The following EDIL3 variants were observed in gnomAD, a reference collection of about 807,000 sequenced individuals.
EDIL3 encodes EGF-like repeat and discoidin I-like domain-containing protein 3.
In EDIL3, 37 loss-of-function variants were observed where a neutral mutation model predicts 67.4. The observed-to-expected ratio is 0.55, with a 90% CI of 0.42 to 0.72. EDIL3 has a LOEUF of 0.72. Ranked by LOEUF, EDIL3 falls within the 30% of genes least tolerant of loss-of-function variation. The pLI, the probability that EDIL3 is intolerant of heterozygous loss-of-function variation, is 0.00. For missense variants in EDIL3, 527 were observed against 586.3 expected (o/e 0.90, Z 1.04); for synonymous variants, 195 against 196.3 (o/e 0.99, Z 0.05).
chr5:83,951,792 A>C (rs1370994592), intron 10 of EDIL3, among the ~76,000 whole-genome samples: 1 of 151,772 alleles, frequency 6.6e-6, no homozygotes, highest in Non-Finnish European at 1.5e-5. Context: ...CATTTTTGAT[A>C]GTATTTTTTT....
intron 4 of EDIL3, among the ~76,000 whole-genome samples, chr5:84,154,901 T>G (rs190466854): frequency 1.1e-3 from 169 of 152,072 alleles, no homozygotes; most frequent in African/African-American, 3.7e-3. Context: ...AGTTTCACCA[T>G]GTTGACCAGG....
intron 1 of EDIL3, among the ~76,000 whole-genome samples, chr5:84,357,060 GA>G (rs1554044009): frequency 6.6e-6 from 1 of 151,030 alleles, no homozygotes; most frequent in Non-Finnish European, 1.5e-5. Context: ...GAGTAGCTGG[GA>G]TTACAGGCAC....
At chr5:84,298,187 T>C (rs1746088805) in intron 1 of EDIL3, among the ~76,000 whole-genome samples, 1 of 152,158 alleles carries the variant, frequency 6.6e-6, no homozygotes, top group Non-Finnish European at 1.5e-5. Context: ...ACGCGTGTAT[T>C]CCTTGCAGCA....
rs1013253950 is a variant in EDIL3, at chr5:84,305,654, C to T, written c.68-51442G>A. Reference sequence around the variant, plus strand: ...CGGCATTTTGGGAGGCCAAGACGCGCGGCTCACAAGATCAGGAGACGGAAA... The same window carrying T: ...CGGCATTTTGGGAGGCCAAGACGCGTGGCTCACAAGATCAGGAGACGGAAA... On this transcript the variant is annotated intron_variant, in intron 1 of 10. Coordinates refer to ENST00000296591, the MANE Select transcript of EDIL3 (RefSeq NM_005711.5). Among the ~76,000 whole-genome samples the T allele has an allele frequency of 7.2e-5, 11 of 152,230 alleles. 1 individual carries two copies. The highest frequency in any genetic ancestry group is 3.4e-3 in the Middle Eastern group (1 of 294).
At chr5:84,292,439 C>T (rs1277078784) in intron 1 of EDIL3, among the ~76,000 whole-genome samples, 3 of 152,052 alleles carry the variant, frequency 2.0e-5, no homozygotes, top group Non-Finnish European at 2.9e-5. Context: ...TTTATAAATG[C>T]ACTTTTGTTT....
chr5:84,381,805 TA>T (rs1748080866), intron 1 of EDIL3, among the ~76,000 whole-genome samples: 1 of 152,222 alleles, frequency 6.6e-6, no homozygotes, highest in Non-Finnish European at 1.5e-5. Context: ...ATTTAATAGT[TA>T]ATAAAATATT....
At chr5:84,141,948 CA>C (rs1748204179) in intron 4 of EDIL3, among the ~76,000 whole-genome samples, 8 of 30,284 alleles carry the variant, frequency 2.6e-4, no homozygotes, top group African/African-American at 9.3e-4. Flanking sequence ...TATATATATA[CA>C]TAGATCTATC....
chr5:84,324,174 C>G (rs1453563023), intron 1 of EDIL3, among the ~76,000 whole-genome samples: 2 of 151,780 alleles, frequency 1.3e-5, no homozygotes, highest in Non-Finnish European at 3.0e-5. Flanking sequence ...AGACAAAAAT[C>G]AAGCCTCAAT....
At chr5:84,136,634 G>A (rs867547130) in intron 5 of EDIL3, among the ~76,000 whole-genome samples, 3 of 151,972 alleles carry the variant, frequency 2.0e-5, no homozygotes, top group African/African-American at 2.4e-5. Context: ...CGTGTGGGAC[G>A]GCCCAAATGC....
At chr5:84,321,388 C>T (rs1165899041) in intron 1 of EDIL3, among the ~76,000 whole-genome samples, 1 of 152,072 alleles carries the variant, frequency 6.6e-6, no homozygotes, top group Non-Finnish European at 1.5e-5. Flanking sequence ...ACGTTAGATG[C>T]AGAGCAGCAT....
chr5:84,310,870 C>A (rs964265043), intron 1 of EDIL3, among the ~76,000 whole-genome samples: 2 of 152,146 alleles, frequency 1.3e-5, no homozygotes, highest in Non-Finnish European at 2.9e-5. Context: ...CTCTCCTGTG[C>A]GCTTACCCAG....
In EDIL3 at chr5:84,160,962, G is replaced by C. The variant is rs145376627; in HGVS notation, c.355+19431C>G. ...TGCACCCATCACTGCATGGTGTACAGTACCCATTATGTAGTCTTTTGTCCC... is the reference window on the plus strand; with the variant it reads ...TGCACCCATCACTGCATGGTGTACACTACCCATTATGTAGTCTTTTGTCCC... On this transcript the variant is annotated intron_variant, in intron 4 of 10. Transcript: ENST00000296591. Among the ~76,000 whole-genome samples the C allele has an allele frequency of 2.3e-3, 354 of 151,876 alleles. 2 individuals are homozygous for C. The highest frequency in any genetic ancestry group is 8.1e-3 in the African/African-American group (335 of 41,446).
chr5:84,003,781 T>A (rs1354384315), intron 9 of EDIL3, among the ~76,000 whole-genome samples: 1 of 152,012 alleles, frequency 6.6e-6, no homozygotes, highest in Non-Finnish European at 1.5e-5. Context: ...TACCTAACAA[T>A]CAGCTAACAA....
intron 1 of EDIL3, among the ~76,000 whole-genome samples, chr5:84,298,242 A>T (rs1446078165): frequency 6.6e-6 from 1 of 152,206 alleles, no homozygotes; most frequent in Non-Finnish European, 1.5e-5. Flanking sequence ...AATGCCCATC[A>T]ATGATAGACT....
chr5:84,007,455 T>C (rs1406395050), intron 9 of EDIL3, among the ~76,000 whole-genome samples: 3 of 151,956 alleles, frequency 2.0e-5, no homozygotes, highest in Non-Finnish European at 4.4e-5. Context: ...GATCAGAAAA[T>C]GGGCAGAAAT....
At chr5:84,115,382 T>A (rs1747647385) in intron 5 of EDIL3, among the ~76,000 whole-genome samples, 1 of 152,130 alleles carries the variant, frequency 6.6e-6, no homozygotes, top group South Asian at 2.1e-4. Flanking sequence ...TTGTTTTCAA[T>A]TCAGAAAAAA....
At chr5:84,053,506 C>T (rs927726815) in intron 9 of EDIL3, among the ~76,000 whole-genome samples, 6 of 152,146 alleles carry the variant, frequency 3.9e-5, no homozygotes, top group Non-Finnish European at 7.4e-5. Flanking sequence ...TTCAAAAAAT[C>T]AATGAATCCA....
intron 1 of EDIL3, among the ~76,000 whole-genome samples, chr5:84,270,524 T>G (rs1303425243): frequency 6.6e-6 from 1 of 152,214 alleles, no homozygotes; most frequent in East Asian, 1.9e-4. Flanking sequence ...ACAAAACTAA[T>G]GCATAAATTA....
At chr5:84,196,106 C>T (rs906487245) in intron 3 of EDIL3, among the ~76,000 whole-genome samples, 4 of 151,764 alleles carry the variant, frequency 2.6e-5, no homozygotes, top group Admixed American at 2.6e-4. Flanking sequence ...AATGTTGTTG[C>T]CTCTACCTTC....
Sources: gnomAD v4.1 joint callset for allele counts (sites outside exome capture counted in the v4.1 genomes callset) on GRCh38, gnomAD v4.1.1 for gene constraint, MANE v1.5 for transcripts, NCBI Gene and HGNC (gene_info 2026-07-23, HGNC 2026-07-21) for gene names.